Variants in CNTN5 observed in about 807,000 individuals in gnomAD.
CNTN5 encodes contactin-5.
Under a neutral mutation model 129.1 loss-of-function variants are expected in CNTN5, and 77 were observed. The observed-to-expected ratio is 0.60, with a 90% CI of 0.50 to 0.72. The LOEUF (loss-of-function observed/expected upper bound fraction) is 0.72, where lower values mean the gene tolerates loss of function less well. CNTN5 is among the 30% of genes least tolerant of loss of function. CNTN5 has a pLI of 0.00. For synonymous variants in CNTN5, 509 were observed against 465.6 expected (o/e 1.09, Z -1.20); for missense variants, 1,478 against 1,328.8 (o/e 1.11, Z -1.75).
chr11:100,212,824 G>A lies in CNTN5; in HGVS notation c.1885-11868G>A, dbSNP rs866210324. 1.2e-3 allele frequency among the ~76,000 whole-genome samples: 179 copies of A among 152,046 alleles called. 1 individual carries two copies. Among genetic ancestry groups the A allele is most frequent in the African/African-American group, 4.3e-3 (177 of 41,500 alleles). ...TGAAATGATCTAAAAAAATTTTAGT[G>A]GACACCAACCATGTTTTAGGAGGGA... On this transcript the variant is annotated intron_variant, in intron 15 of 24. Transcript: ENST00000524871.
At chr11:99,479,022 A>G (rs914968261) in intron 2 of CNTN5, among the ~76,000 whole-genome samples, 1 of 151,986 alleles carries the variant, frequency 6.6e-6, no homozygotes, top group South Asian at 2.1e-4. Context: ...AATAAAATAG[A>G]CCCCATTCAT....
intron 3 of CNTN5, among the ~76,000 whole-genome samples, chr11:99,750,617 A>G (rs1477014434): frequency 1.3e-5 from 2 of 152,074 alleles, no homozygotes; most frequent in Non-Finnish European, 2.9e-5. Flanking sequence ...TTGTTTTCCC[A>G]GGAAGACAGA....
At chr11:100,274,418 C>T (rs1452246218) in intron 18 of CNTN5, among the ~76,000 whole-genome samples, 2 of 152,110 alleles carry the variant, frequency 1.3e-5, no homozygotes, top group Non-Finnish European at 2.9e-5. Context: ...AAGAAACTGT[C>T]AACAGAGTAA....
At chr11:99,894,501 A>G (rs1350233309) in intron 6 of CNTN5, among the ~76,000 whole-genome samples, 15 of 144,578 alleles carry the variant, frequency 1.0e-4, no homozygotes, top group Non-Finnish European at 1.1e-4. Flanking sequence ...GTATATTATG[A>G]CAGGTACCAG....
At chr11:100,050,006 A>G (rs1441350938) in intron 9 of CNTN5, among the ~76,000 whole-genome samples, 1 of 152,164 alleles carries the variant, frequency 6.6e-6, no homozygotes, top group Non-Finnish European at 1.5e-5. Context: ...GAGAAACAGG[A>G]ACACTTTTAC....
chr11:100,074,303 CTATTT>C lies in CNTN5; in HGVS notation c.1580+13_1580+17del. Reference sequence around the variant, plus strand: ...GTTAGAGAAAACAAAAGGTTAGAATCTATTTTATAATTCAAGTTCAACATTAGACT... The same window carrying C: ...GTTAGAGAAAACAAAAGGTTAGAATCTATAATTCAAGTTCAACATTAGACT... On this transcript the variant is annotated intron_variant, in intron 13 of 24. Coordinates refer to ENST00000524871, the MANE Select transcript of CNTN5 (RefSeq NM_014361.4). The C allele has an allele frequency of 6.4e-7, 1 of 1,574,158 alleles. No individual in the cohort carries two copies. The highest frequency in any genetic ancestry group is 1.2e-5 in the South Asian group (1 of 86,298).
intron 3 of CNTN5, among the ~76,000 whole-genome samples, chr11:99,651,427 A>G (rs1317835262): frequency 6.6e-6 from 1 of 152,068 alleles, no homozygotes; most frequent in East Asian, 1.9e-4. Context: ...AAATGATAGA[A>G]ATTCTAATCT....
chr11:99,360,728 A>G lies in CNTN5; in HGVS notation c.-71+35244A>G, dbSNP rs150030284. ...TTCTATTGTCCTGATTAGTAGCATCAGGCTTCCACACAAGCATACTAATCT... is the reference window on the plus strand; with the variant it reads ...TTCTATTGTCCTGATTAGTAGCATCGGGCTTCCACACAAGCATACTAATCT... On this transcript the variant is annotated intron_variant, in intron 2 of 24. Coordinates refer to ENST00000524871, the MANE Select transcript of CNTN5 (RefSeq NM_014361.4). Among the ~76,000 whole-genome samples, 303 of 152,258 alleles carry G rather than the reference A, an allele frequency of 2.0e-3. 1 individual carries two copies. The highest frequency in any genetic ancestry group is 7.1e-3 in the African/African-American group (296 of 41,560).
chr11:100,169,176 A>G (rs1469886502), intron 13 of CNTN5, among the ~76,000 whole-genome samples: 1 of 152,004 alleles, frequency 6.6e-6, no homozygotes, highest in Non-Finnish European at 1.5e-5. Flanking sequence ...AGGATTTAGG[A>G]TATCACATCA....
At chr11:99,376,557 T>TGACTA (rs1940193776) in intron 2 of CNTN5, among the ~76,000 whole-genome samples, 1 of 152,190 alleles carries the variant, frequency 6.6e-6, no homozygotes, top group African/African-American at 2.4e-5. Context: ...TGTCTAACAA[T>TGACTA]GACAAAGTCT....
intron 16 of CNTN5, among the ~76,000 whole-genome samples, chr11:100,244,927 T>C (rs1055658687): frequency 1.3e-5 from 2 of 152,212 alleles, no homozygotes; most frequent in African/African-American, 2.4e-5. Context: ...AGGTTACTTA[T>C]GCTAATATAA....
chr11:99,826,028 G>A (rs1663810183), intron 4 of CNTN5, among the ~76,000 whole-genome samples: 2 of 151,892 alleles, frequency 1.3e-5, no homozygotes, highest in African/African-American at 4.8e-5. Context: ...TGCTTACTTA[G>A]TTTAAGGAAG....
At chr11:99,192,389 T>C (rs918235334) in intron 1 of CNTN5, among the ~76,000 whole-genome samples, 2 of 151,886 alleles carry the variant, frequency 1.3e-5, no homozygotes, top group African/African-American at 4.8e-5. Context: ...TGTAGGCTAC[T>C]TTTCTTTATT....
chr11:99,994,743 C>CTAAAA (rs1158969212), intron 8 of CNTN5, among the ~76,000 whole-genome samples: 1 of 152,156 alleles, frequency 6.6e-6, no homozygotes, highest in East Asian at 1.9e-4. Context: ...TAGGTAGCTT[C>CTAAAA]TAAACAGGAT....
At position 99,145,179 on chromosome 11, in the gene CNTN5, C is replaced by T. The variant is rs60417667; in HGVS notation, c.-210+123909C>T. ...CAGCCTCCTGGATTCAAGCAATTCTCGTGCCTCAGCCTCCCAAGTAGCTGA... is the reference window on the plus strand; with the variant it reads ...CAGCCTCCTGGATTCAAGCAATTCTTGTGCCTCAGCCTCCCAAGTAGCTGA... On this transcript the variant is annotated intron_variant, in intron 1 of 24. Coordinates refer to ENST00000524871, the MANE Select transcript of CNTN5 (RefSeq NM_014361.4). Among the ~76,000 whole-genome samples, 308 of 152,228 alleles carry T rather than the reference C, an allele frequency of 2.0e-3. 1 individual carries two copies. The highest frequency in any genetic ancestry group is 3.0e-3 in the Non-Finnish European group (202 of 68,014).
chr11:99,291,565 T>C (rs1450870935), intron 1 of CNTN5, among the ~76,000 whole-genome samples: 1 of 152,016 alleles, frequency 6.6e-6, no homozygotes, highest in Non-Finnish European at 1.5e-5. Flanking sequence ...ATGAAAAATA[T>C]GATTTGTTAA....
At chr11:99,304,833 G>A (rs994639501) in intron 1 of CNTN5, among the ~76,000 whole-genome samples, 6 of 152,160 alleles carry the variant, frequency 3.9e-5, no homozygotes, top group Non-Finnish European at 8.8e-5. Context: ...TTTGCCCACA[G>A]AAAGAATTGA....
intron 3 of CNTN5, among the ~76,000 whole-genome samples, chr11:99,806,433 A>AGTGT (rs1217304935): frequency 6.6e-6 from 1 of 151,988 alleles, no homozygotes; most frequent in Non-Finnish European, 1.5e-5. Context: ...TATGTGAGTG[A>AGTGT]GTGTGTGTGT....
chr11:99,634,078 A>G (rs1474223462), intron 3 of CNTN5, among the ~76,000 whole-genome samples: 1 of 152,210 alleles, frequency 6.6e-6, no homozygotes, highest in East Asian at 1.9e-4. Flanking sequence ...TGTTTAGAAA[A>G]GTTAGGCAGT....
Sources: gnomAD v4.1 joint callset for allele counts (sites outside exome capture counted in the v4.1 genomes callset) on GRCh38, gnomAD v4.1.1 for gene constraint, MANE v1.5 for transcripts, NCBI Gene and HGNC (gene_info 2026-07-23, HGNC 2026-07-21) for gene names.